The following ZNF347 variants were observed in gnomAD, a reference collection of about 807,000 sequenced individuals.
ZNF347 encodes the protein CTD-2620I22.7.
A neutral mutation model predicts 12.9 loss-of-function variants in ZNF347; 19 were observed. The observed-to-expected ratio is 1.47, with a 90% CI of 1.03 to 2.16. ZNF347 has a LOEUF of 2.16. ZNF347 is among the 30% of genes most tolerant of loss of function. The pLI, the probability that ZNF347 is intolerant of heterozygous loss-of-function variation, is 0.00. For missense variants in ZNF347, 1,005 were observed against 990.6 expected (o/e 1.01, Z -0.19); for synonymous variants, 328 against 340.6 (o/e 0.96, Z 0.41).
chr19:53,152,866 C>A (rs942985691), intron 2 of ZNF347, among the ~76,000 whole-genome samples: 4 of 151,622 alleles, frequency 2.6e-5, no homozygotes, highest in Non-Finnish European at 5.9e-5. Flanking sequence ...GGAGGCGGAG[C>A]TTGCATTGGG....
At chr19:53,149,182 T>C (rs569600544) in intron 3 of ZNF347, 59 bp downstream of exon 3, 13 of 1,594,022 alleles carry the variant, frequency 8.2e-6, no homozygotes, top group Non-Finnish European at 1.1e-5. Flanking sequence ...GAGAGCCACA[T>C]GGAAAATGAA....
chr19:53,150,332 C>G (rs2146809306), intron 2 of ZNF347, among the ~76,000 whole-genome samples: 1 of 152,260 alleles, frequency 6.6e-6, no homozygotes, highest in Non-Finnish European at 1.5e-5. Flanking sequence ...TGTGAGAGTA[C>G]AGTAGGAGAA....
At position 53,135,940 on chromosome 19, in the gene ZNF347, T is replaced by C. The variant is rs1297129385; in HGVS notation, c.*4368A>G. Reference sequence around the variant, plus strand: ...CATTGCAAAAGTTGCACAAATATCATGTTTTGCTGTAAGATCCTCTGGCTC... The same window carrying C: ...CATTGCAAAAGTTGCACAAATATCACGTTTTGCTGTAAGATCCTCTGGCTC... On this transcript the variant is annotated 3_prime_UTR_variant, in exon 5 of 5. Transcript: ENST00000334197. 1 of 152,124 alleles carries C rather than the reference T, an allele frequency of 6.6e-6. No individual in the cohort carries two copies. The highest frequency in any genetic ancestry group is 1.5e-5 in the Non-Finnish European group (1 of 68,022). The allele number at this position is 152,124 out of a possible 1,614,324, so 9.4% of individuals were successfully genotyped here. A position where few individuals can be genotyped will look rare whatever the true frequency, so the allele number is the denominator to read the frequency against.
intron 1 of ZNF347, among the ~76,000 whole-genome samples, chr19:53,154,867 G>T (rs561875145): frequency 6.6e-6 from 1 of 151,494 alleles, no homozygotes; most frequent in Non-Finnish European, 1.5e-5. Context: ...AAAAAAAATT[G>T]TAGTGTATTG....
At chr19:53,148,578 C>T (rs2090477100) in intron 4 of ZNF347, 103 bp downstream of exon 4, 1 of 1,283,638 alleles carries the variant, frequency 7.8e-7, no homozygotes, top group African/African-American at 2.1e-5. Flanking sequence ...GTTCTGAGGT[C>T]ACAGAATTCA....
At chr19:53,147,905 A>G (rs1224947903) in intron 4 of ZNF347, among the ~76,000 whole-genome samples, 1 of 152,216 alleles carries the variant, frequency 6.6e-6, no homozygotes, top group African/African-American at 2.4e-5. Flanking sequence ...AGAATCAAAG[A>G]CAAGAAGCAT....
rs1243170292 is a variant in ZNF347, at chr19:53,142,077, C to A, written c.751G>T (p.Gly251Trp). 2 of 1,612,300 alleles carry A rather than the reference C, an allele frequency of 1.2e-6. No homozygotes were observed. Among genetic ancestry groups the A allele is most frequent in the Admixed American group, 3.4e-5 (2 of 59,600 alleles). Reference protein sequence around the residue: ...DFISSLLLTQGQKANNWGSPY... With the variant: ...DFISSLLLTQWQKANNWGSPY... Reference sequence around the variant, plus strand: ...CTTCCCCAATTATTTGCTTTTTGCCCCTGTGTGAGTAATAAAGAAGAGATA... The same window carrying A: ...CTTCCCCAATTATTTGCTTTTTGCCACTGTGTGAGTAATAAAGAAGAGATA... Residue 251 changes from glycine to tryptophan, a missense_variant, in exon 5 of 5, where the codon GGG becomes TGG. Gly to Trp is a radical substitution (Grantham distance 184). Transcript: ENST00000334197.
chr19:53,153,912 A>T, intron 1 of ZNF347, 119 bp from the exon 2 acceptor site: 2 of 710,500 alleles, frequency 2.8e-6, no homozygotes, highest in Non-Finnish European at 4.8e-6. Flanking sequence ...CACAGGGAAG[A>T]CCTCACCCTG....
chr19:53,154,367 G>A (rs1053840519), intron 1 of ZNF347, among the ~76,000 whole-genome samples: 2 of 151,978 alleles, frequency 1.3e-5, no homozygotes, highest in East Asian at 3.9e-4. Context: ...CTCACGTCTT[G>A]TAACCTCAGC....
rs755985999 is a variant in ZNF347 at position 53,142,445 on chromosome 19, C to T, written c.383G>A (p.Gly128Glu). Reference sequence around the variant, plus strand: ...TTTCTGGACTTCCCTGAAGGAACATCCTTCAATGTCTTGGCTTTCCTGTCT... The same window carrying T: ...TTTCTGGACTTCCCTGAAGGAACATTCTTCAATGTCTTGGCTTTCCTGTCT... ...LERQESQDIE[G>E]CSFREVQKNT... is the part of the protein sequence containing the mutation. The change falls in exon 5 of 5, where the codon GGA becomes GAA. Residue 128 changes from glycine to glutamate, a missense_variant. By Grantham distance (98) the Gly-to-Glu change is moderately conservative. Transcript: ENST00000334197. The T allele has an allele frequency of 1.8e-5, 29 of 1,613,970 alleles. No homozygotes were observed. The highest frequency in any genetic ancestry group is 2.4e-5 in the Non-Finnish European group (28 of 1,179,992).
At chr19:53,149,134 C>A in intron 3 of ZNF347, 107 bp downstream of exon 3, 2 of 1,558,914 alleles carry the variant, frequency 1.3e-6, no homozygotes, top group South Asian at 1.2e-5. Flanking sequence ...TCAGTCAACA[C>A]AGCTTCAGTC....
At position 53,148,850 on chromosome 19, in the gene ZNF347, T is replaced by C. The variant is rs1316734000; in HGVS notation, c.143-41A>G. On this transcript the variant is annotated intron_variant, in intron 3 of 4. Transcript: ENST00000334197. ...AAGGAAAACAATGGGCTGTAGATTT[T>C]CCAGAGTCCCAGTCCTATGTTTACA... is the stretch of plus-strand genomic sequence containing the variant. 2.5e-6 allele frequency: 4 copies of C among 1,605,414 alleles called. No individual in the cohort carries two copies. In the East Asian group the frequency reaches 8.9e-5, roughly 36 times the overall value.
chr19:53,137,651 A>AAATTT lies in ZNF347; in HGVS notation c.*2652_*2656dup, dbSNP rs2090394545. ...ACATTACCAAAAACATGATAAGGCT[A>AAATTT]AATTTATGAAACTTCTAGTTTACCT... On this transcript the variant is annotated 3_prime_UTR_variant, in exon 5 of 5. Coordinates refer to ENST00000334197, the MANE Select transcript of ZNF347 (RefSeq NM_032584.3). 1 of 152,230 alleles carries AAATTT rather than the reference A, an allele frequency of 6.6e-6. No homozygotes were observed. The highest frequency in any genetic ancestry group is 2.4e-5 in the African/African-American group (1 of 41,466). The allele number at this position is 152,230 out of a possible 1,614,324, so 9.4% of individuals were successfully genotyped here.
chr19:53,157,485 A>T (rs1254194224), intron 1 of ZNF347, among the ~76,000 whole-genome samples: 3 of 150,216 alleles, frequency 2.0e-5, no homozygotes, highest in African/African-American at 7.4e-5. Flanking sequence ...ATCTCCTGCT[A>T]TTTCTCCCCT....
At position 53,140,804 on chromosome 19, in the gene ZNF347, T is replaced by G; in HGVS notation, c.2024A>C (p.His675Pro). Residue 675 changes from histidine (H) to proline (P), a missense_variant, in exon 5 of 5, where the codon CAT becomes CCT. By Grantham distance (77) the His-to-Pro change is moderately conservative. Coordinates refer to ENST00000334197, the MANE Select transcript of ZNF347 (RefSeq NM_032584.3). ...NSHLARHRRV[H>P]TGGKPYQCNE... is the part of the protein sequence containing the mutation. ...ACACTGGTAAGGTTTACCTCCAGTA[T>G]GAACTCTCCGATGTCTTGCAAGGTG... The G allele has an allele frequency of 6.2e-7, 1 of 1,613,870 alleles. No individual in the cohort carries two copies. The highest frequency in any genetic ancestry group is 1.1e-5 in the South Asian group (1 of 91,066).
chr19:53,137,607 G>T lies in ZNF347; in HGVS notation c.*2701C>A, dbSNP rs2090394322. On this transcript the variant is annotated 3_prime_UTR_variant, in exon 5 of 5. Coordinates refer to ENST00000334197, the MANE Select transcript of ZNF347 (RefSeq NM_032584.3). ...GTAAATGGAGTTCAATACACTTCCT[G>T]TGGAGAGGTGACAAATTAACATTAC... 1 of 152,110 alleles carries T rather than the reference G, an allele frequency of 6.6e-6. No individual in the cohort carries two copies. The highest frequency in any genetic ancestry group is 2.4e-5 in the African/African-American group (1 of 41,426). 9.4% of individuals were successfully genotyped at this position (152,110 alleles called of 1,614,324 possible).
intron 2 of ZNF347, 167 bp from the exon 3 acceptor site, chr19:53,149,534 A>C: frequency 5.8e-5 from 77 of 1,318,258 alleles, no homozygotes; most frequent in Middle Eastern, 2.0e-4. Flanking sequence ...CATACATCTC[A>C]CTTGGAATCT....
Position 53,135,380 on chromosome 19 carries a change from AG to A in ZNF347, c.*4927del, listed in dbSNP as rs1410270662. The A allele has an allele frequency of 1.9e-4, 28 of 149,032 alleles. No homozygotes were observed. Among genetic ancestry groups the A allele is most frequent in the South Asian group, 1.1e-3 (5 of 4,734 alleles). The allele number at this position is 149,032 out of a possible 1,614,324, so 9.2% of individuals were successfully genotyped here. On this transcript the variant is annotated 3_prime_UTR_variant, in exon 5 of 5. Transcript: ENST00000334197. ...GAGAGAGAGAGAGAAAGAGAGAGAG[AG>A]AGAGAGAGAGAGATGGAGTCCCGCT...
At chr19:53,150,483 T>C (rs1483207919) in intron 2 of ZNF347, among the ~76,000 whole-genome samples, 1 of 152,148 alleles carries the variant, frequency 6.6e-6, no homozygotes, top group Non-Finnish European at 1.5e-5. Context: ...TTGTAGACAA[T>C]ACAAAAAATA....
Sources: gnomAD v4.1 joint callset for allele counts (sites outside exome capture counted in the v4.1 genomes callset) on GRCh38, gnomAD v4.1.1 for gene constraint, MANE v1.5 for transcripts, NCBI Gene and HGNC (gene_info 2026-07-23, HGNC 2026-07-21) for gene names.